TRPM3: variants seen among roughly 807,000 people sequenced by gnomAD.
TRPM3 encodes the protein long transient receptor potential channel 3.
TRPM3 carries 77 observed loss-of-function variants against 181.2 expected under a neutral mutation model. That is an observed-to-expected ratio of 0.42 (90% CI 0.35 to 0.51). The LOEUF (loss-of-function observed/expected upper bound fraction) is 0.51. Ranked by LOEUF, TRPM3 falls within the 20% of genes least tolerant of loss-of-function variation. The pLI, the probability that TRPM3 is intolerant of heterozygous loss-of-function variation, is 0.01. For synonymous variants in TRPM3, 745 were observed against 796.4 expected (o/e 0.94, Z 1.09); for missense variants, 1,759 against 2,196.7 (o/e 0.80, Z 3.98).
intron 1 of TRPM3, among the ~76,000 whole-genome samples, chr9:71,367,578 T>C (rs549748547): frequency 6.6e-6 from 1 of 152,324 alleles, no homozygotes; most frequent in East Asian, 1.9e-4. Flanking sequence ...GCTGTGGTTA[T>C]GATTTCACCA....
intron 1 of TRPM3, among the ~76,000 whole-genome samples, chr9:71,228,084 G>T (rs567440609): frequency 2.0e-5 from 3 of 152,038 alleles, no homozygotes; most frequent in African/African-American, 7.2e-5. Flanking sequence ...AAAATTCTCA[G>T]CAATATACTA....
chr9:71,231,798 G>A (rs184148675), intron 1 of TRPM3, among the ~76,000 whole-genome samples: 36 of 152,214 alleles, frequency 2.4e-4, no homozygotes, highest in Non-Finnish European at 4.4e-4. Flanking sequence ...GATGGTAAGC[G>A]GGTTTGGGTT....
chr9:71,285,383 A>G (rs879196324), intron 1 of TRPM3, among the ~76,000 whole-genome samples: 1 of 152,106 alleles, frequency 6.6e-6, no homozygotes, highest in Non-Finnish European at 1.5e-5. Flanking sequence ...TTTTCTTCCT[A>G]TTCTTTTTTG....
At chr9:70,575,126 TGTAGAGACAGGGTC>T (rs2053600815) in intron 22 of TRPM3, among the ~76,000 whole-genome samples, 1 of 137,202 alleles carries the variant, frequency 7.3e-6, no homozygotes, top group African/African-American at 2.6e-5. Flanking sequence ...TTTTTTTTTT[TGTAGAGACAGGGTC>T]TTCGTATATT....
intron 1 of TRPM3, among the ~76,000 whole-genome samples, chr9:71,295,117 C>A (rs890675327): frequency 6.6e-6 from 1 of 152,058 alleles, no homozygotes; most frequent in African/African-American, 2.4e-5. Flanking sequence ...CACCTTTGTA[C>A]ATGTGATATA....
At chr9:70,621,391 G>T in intron 14 of TRPM3, 118 bp from the exon 15 acceptor site, 1 of 583,140 alleles carries the variant, frequency 1.7e-6, no homozygotes, top group Non-Finnish European at 2.7e-6. Flanking sequence ...TTGAGACAAG[G>T]TCTCACTTTG....
chr9:70,626,623 G>C (rs2064673138), intron 12 of TRPM3, among the ~76,000 whole-genome samples: 1 of 152,168 alleles, frequency 6.6e-6, no homozygotes, highest in Admixed American at 6.5e-5. Flanking sequence ...GCCTTTCCTA[G>C]CTCCTCAGGT....
Position 70,996,040 on chromosome 9 carries a change from G to T in TRPM3, c.177+125138C>A, listed in dbSNP as rs527814093. Among the ~76,000 whole-genome samples, 6 of 152,242 alleles carry T rather than the reference G, an allele frequency of 3.9e-5. No homozygotes were observed. In the South Asian group the frequency reaches 1.2e-3, roughly 32 times the overall value. ...CCAGTGGACTGAGAACAGCTGAAGG[G>T]CAATTACTGTGTCTTACTCCTTTTA... On this transcript the variant is annotated intron_variant, in intron 1 of 25. Coordinates refer to ENST00000677713, the MANE Select transcript of TRPM3 (RefSeq NM_001366145.2).
intron 1 of TRPM3, among the ~76,000 whole-genome samples, chr9:71,392,535 T>A (rs1291099297): frequency 6.6e-6 from 1 of 152,070 alleles, no homozygotes; most frequent in Admixed American, 6.6e-5. Flanking sequence ...CCTCTCCATT[T>A]TCAAATATGC....
intron 1 of TRPM3, among the ~76,000 whole-genome samples, chr9:71,264,547 G>A (rs942165793): frequency 2.6e-5 from 4 of 152,132 alleles, no homozygotes; most frequent in Non-Finnish European, 5.9e-5. Context: ...AATAGATGAG[G>A]TTGCACCTGT....
chr9:71,202,953 C>G (rs2078896923), intron 1 of TRPM3, among the ~76,000 whole-genome samples: 1 of 152,158 alleles, frequency 6.6e-6, no homozygotes, highest in African/African-American at 2.4e-5. Flanking sequence ...TAATGACTTT[C>G]TTTTTGCAAA....
At chr9:71,179,923 A>C (rs1026687982) in intron 1 of TRPM3, among the ~76,000 whole-genome samples, 1 of 152,122 alleles carries the variant, frequency 6.6e-6, no homozygotes, top group Non-Finnish European at 1.5e-5. Flanking sequence ...CACGTGCCTG[A>C]GATGCTGGTG....
At chr9:70,690,770 G>A (rs942340089) in intron 8 of TRPM3, among the ~76,000 whole-genome samples, 1 of 152,134 alleles carries the variant, frequency 6.6e-6, no homozygotes, top group African/African-American at 2.4e-5. Context: ...ATCCAAACAG[G>A]ATTCCTGATC....
intron 1 of TRPM3, among the ~76,000 whole-genome samples, chr9:71,055,567 T>C (rs994629184): frequency 6.6e-6 from 1 of 152,028 alleles, no homozygotes; most frequent in Non-Finnish European, 1.5e-5. Context: ...AATTGGAACA[T>C]TTTTTAAGAA....
chr9:70,766,548 C>A (rs2079167400), intron 7 of TRPM3, among the ~76,000 whole-genome samples: 1 of 152,144 alleles, frequency 6.6e-6, no homozygotes, highest in Non-Finnish European at 1.5e-5. Flanking sequence ...TTAAAAGACA[C>A]AATCACCCAC....
intron 1 of TRPM3, among the ~76,000 whole-genome samples, chr9:71,048,268 A>G (rs1374070298): frequency 6.6e-6 from 1 of 152,216 alleles, no homozygotes; most frequent in Non-Finnish European, 1.5e-5. Flanking sequence ...TATATCTGTT[A>G]AACAGAAGAC....
intron 7 of TRPM3, among the ~76,000 whole-genome samples, chr9:70,779,225 C>CAGTCTCTTG (rs1175127762): frequency 1.3e-5 from 2 of 152,096 alleles, no homozygotes; most frequent in Non-Finnish European, 2.9e-5. Flanking sequence ...AAAACGTGAA[C>CAGTCTCTTG]AGTCTCTTGG....
chr9:71,371,517 G>A (rs1462130136), intron 1 of TRPM3, among the ~76,000 whole-genome samples: 4 of 152,198 alleles, frequency 2.6e-5, no homozygotes, highest in African/African-American at 7.2e-5. Flanking sequence ...GAGAAGTGGA[G>A]CTTGATGATG....
chr9:71,030,056 G>T (rs2134648884), intron 1 of TRPM3, among the ~76,000 whole-genome samples: 1 of 152,224 alleles, frequency 6.6e-6, no homozygotes, highest in South Asian at 2.1e-4. Flanking sequence ...TTTAAATAAA[G>T]TATAAGATCT....
Sources: allele counts gnomAD v4.1 joint callset (sites outside exome capture counted in the v4.1 genomes callset), GRCh38; gene constraint gnomAD v4.1.1; transcripts MANE v1.5; gene names NCBI Gene and HGNC (gene_info 2026-07-23, HGNC 2026-07-21).